SIRPB2: variants seen among roughly 807,000 people sequenced by gnomAD.
SIRPB2 encodes signal regulatory protein beta 2, also known as signal-regulatory protein beta-2.
In SIRPB2, 18 loss-of-function variants were observed where a neutral mutation model predicts 27.1. The observed-to-expected ratio is 0.66, with a 90% confidence interval of 0.46 to 0.98. The LOEUF (loss-of-function observed/expected upper bound fraction) is 0.98, where lower values mean the gene tolerates loss of function less well. SIRPB2 is among the 50% of genes least tolerant of loss of function. SIRPB2 has a pLI of 0.00. For missense variants in SIRPB2, 420 were observed against 417.4 expected (o/e 1.01, Z -0.06); for synonymous variants, 150 against 164.6 (o/e 0.91, Z 0.68).
intron 1 of SIRPB2, among the ~76,000 whole-genome samples, chr20:1,486,077 T>TTTTCTTCTC (rs200648918): frequency 7.4e-6 from 1 of 135,758 alleles, no homozygotes; most frequent in African/African-American, 2.8e-5. Flanking sequence ...TTTTCTTTTC[T>TTTTCTTCTC]TTTTTTTTTT....
At chr20:1,471,686 C>T (rs74885397), downstream of SIRPB2, among the ~76,000 whole-genome samples, 1,533 of 152,306 alleles carry the variant, frequency 0.01, 13 homozygotes, top group Non-Finnish European at 0.015. Context: ...GCTGGCACCT[C>T]CTCTCACTGC....
chr20:1,490,257 T>C (rs1173134558), intron 1 of SIRPB2, among the ~76,000 whole-genome samples: 2 of 152,132 alleles, frequency 1.3e-5, no homozygotes, highest in African/African-American at 2.4e-5. Flanking sequence ...ATACGGCCAA[T>C]GAGTAAGGGA....
At chr20:1,482,495 A>ACTCCTTCCTTCCTTCC (rs2090680886) in intron 1 of SIRPB2, among the ~76,000 whole-genome samples, 1 of 145,770 alleles carries the variant, frequency 6.9e-6, no homozygotes, top group African/African-American at 2.6e-5. Context: ...TGTCTGGCTC[A>ACTCCTTCCTTCCTTCC]CTCCTTCCTT....
chr20:1,483,893 A>G (rs566025863), intron 1 of SIRPB2, among the ~76,000 whole-genome samples: 8 of 152,142 alleles, frequency 5.3e-5, no homozygotes, highest in African/African-American at 1.7e-4. Flanking sequence ...ATTATCTTGT[A>G]TCTTACTGAT....
At chr20:1,479,636 T>C (rs2090646085) in intron 2 of SIRPB2, 64 bp downstream of exon 2, 1 of 1,583,270 alleles carries the variant, frequency 6.3e-7, no homozygotes, top group Non-Finnish European at 8.6e-7. Flanking sequence ...ATACAGTGGA[T>C]AAAGGTGACT....
At chr20:1,488,563 G>A (rs867788109) in intron 1 of SIRPB2, among the ~76,000 whole-genome samples, 2 of 152,046 alleles carry the variant, frequency 1.3e-5, no homozygotes, top group South Asian at 2.1e-4. Context: ...TGGGAGGATC[G>A]CTTGAGCCAG....
intron 1 of SIRPB2, among the ~76,000 whole-genome samples, chr20:1,490,418 G>A (rs1250950924): frequency 6.6e-6 from 1 of 152,206 alleles, no homozygotes; most frequent in Non-Finnish European, 1.5e-5. Context: ...TGAGCCCACT[G>A]AGAGCCAAGT....
chr20:1,479,043 C>G (rs547687689), intron 2 of SIRPB2: 2 of 169,426 alleles, frequency 1.2e-5, no homozygotes, highest in Non-Finnish European at 2.6e-5. Context: ...GGTGTTTCCA[C>G]AAGCATCCAT....
At chr20:1,488,046 A>G (rs1477286572) in intron 1 of SIRPB2, among the ~76,000 whole-genome samples, 2 of 152,236 alleles carry the variant, frequency 1.3e-5, no homozygotes. Context: ...GATTTCTTAG[A>G]TGTAACACCA....
chr20:1,486,263 G>A (rs1445523792), intron 1 of SIRPB2, among the ~76,000 whole-genome samples: 1 of 151,854 alleles, frequency 6.6e-6, no homozygotes, highest in Non-Finnish European at 1.5e-5. Flanking sequence ...GGTAGAGGCA[G>A]GGTTTCGCCA....
intron 1 of SIRPB2, among the ~76,000 whole-genome samples, chr20:1,487,982 A>G (rs1482553453): frequency 6.6e-6 from 1 of 152,256 alleles, no homozygotes; most frequent in Non-Finnish European, 1.5e-5. Context: ...GTTAAACGAT[A>G]CAACTTCTAG....
chr20:1,473,839 T>A, downstream of SIRPB2: 1 of 456,290 alleles, frequency 2.2e-6, no homozygotes, highest in Non-Finnish European at 4.4e-6. Context: ...TGTTTCAGCT[T>A]CCCGTGGCCG....
chr20:1,477,403 G>T lies in SIRPB2; in HGVS notation c.794C>A (p.Ala265Glu). 1 of 1,611,748 alleles carries T rather than the reference G, an allele frequency of 6.2e-7. No individual in the cohort carries two copies. Among genetic ancestry groups the T allele is most frequent in the Admixed American group, 1.7e-5 (1 of 59,888 alleles). Residue 265 changes from alanine to glutamate, a missense_variant and splice_region_variant, in exon 4 of 5, where the codon GCA becomes GAA. Physicochemically the swap from Ala to Glu is moderately radical, Grantham distance 107. Transcript: ENST00000359801. ...TGCCTCTTTGGAAGAGGTAGATTTT[G>T]CTGCAAGGGAGAGAGGCTTTGTCAT... ...SGQGTSLKVK[A>E]KSTSSKEAEF...
At chr20:1,474,423 G>A (rs1043325445), downstream of SIRPB2, among the ~76,000 whole-genome samples, 1 of 152,064 alleles carries the variant, frequency 6.6e-6, no homozygotes, top group Non-Finnish European at 1.5e-5. Flanking sequence ...TTCTGTTTGT[G>A]GTAATGAAAA....
chr20:1,482,410 C>T (rs1226058632), intron 1 of SIRPB2, among the ~76,000 whole-genome samples: 1 of 152,160 alleles, frequency 6.6e-6, no homozygotes, highest in Non-Finnish European at 1.5e-5. Context: ...ATCACCTTTC[C>T]TAGTCTTTGG....
At chr20:1,476,811 T>C in intron 4 of SIRPB2, 1 of 1,048,512 alleles carries the variant, frequency 9.5e-7, no homozygotes, top group Non-Finnish European at 1.2e-6. Context: ...ATACTGAGAG[T>C]CCTTGAATGT....
chr20:1,479,652 G>T, intron 2 of SIRPB2, 48 bp downstream of exon 2: 1 of 1,595,968 alleles, frequency 6.3e-7, no homozygotes, highest in South Asian at 1.1e-5. Flanking sequence ...TGACTGTGCA[G>T]GGAAACAGAC....
At chr20:1,483,326 C>T (rs1202471186) in intron 1 of SIRPB2, among the ~76,000 whole-genome samples, 2 of 149,952 alleles carry the variant, frequency 1.3e-5, no homozygotes, top group African/African-American at 2.4e-5. Context: ...AGGCTGGTCT[C>T]GAACCCCTGA....
intron 1 of SIRPB2, among the ~76,000 whole-genome samples, chr20:1,488,547 C>G (rs1263210602): frequency 6.6e-6 from 1 of 151,924 alleles, no homozygotes; most frequent in Non-Finnish European, 1.5e-5. Flanking sequence ...ATTTGGTAGG[C>G]TAAGGTGGGA....
Sources: allele counts gnomAD v4.1 joint callset (sites outside exome capture counted in the v4.1 genomes callset), GRCh38; gene constraint gnomAD v4.1.1; transcripts MANE v1.5; gene names NCBI Gene and HGNC (gene_info 2026-07-23, HGNC 2026-07-21).